CEP350: variants seen among roughly 807,000 people sequenced by gnomAD.
CEP350 encodes the protein centrosome-associated protein 350.
Under a neutral mutation model 331.8 loss-of-function variants are expected in CEP350, and 126 were observed. The observed-to-expected ratio is 0.38, with a 90% confidence interval of 0.33 to 0.44. The LOEUF is 0.44. CEP350 is among the 20% of genes least tolerant of loss of function. The pLI is 1.00. For synonymous variants in CEP350, 1,200 were observed against 1,259.5 expected, an observed-to-expected ratio of 0.95 and a Z score of 1.00; for missense variants, 3,406 against 3,634.6, an observed-to-expected ratio of 0.94 and a Z score of 1.62.
In CEP350 at chr1:180,111,230, C is replaced by G; in HGVS notation, c.*69C>G. Reference sequence around the variant, plus strand: ...GGGCCTTTCTGCCTCCTGATGTACACCCATCGCCATCATAGCAAGAGTGCT... The same window carrying G: ...GGGCCTTTCTGCCTCCTGATGTACAGCCATCGCCATCATAGCAAGAGTGCT... On this transcript the variant is annotated 3_prime_UTR_variant, in exon 38 of 38. Transcript: ENST00000367607. The G allele has an allele frequency of 6.4e-7, 1 of 1,553,144 alleles. No individual in the cohort carries two copies. Among genetic ancestry groups the G allele is most frequent in the Non-Finnish European group, 8.8e-7 (1 of 1,139,292 alleles).
intron 1 of CEP350, among the ~76,000 whole-genome samples, chr1:179,985,633 G>C (rs934205579): frequency 6.6e-6 from 1 of 152,172 alleles, no homozygotes; most frequent in South Asian, 2.1e-4. Flanking sequence ...AATCATGGCA[G>C]AAGGCACCTA....
In CEP350 at chr1:180,100,093, C is replaced by T. The variant is rs187432474; in HGVS notation, c.9189+1108C>T. On this transcript the variant is annotated intron_variant, in intron 37 of 37. Coordinates refer to ENST00000367607, the MANE Select transcript of CEP350 (RefSeq NM_014810.5). ...GAGCCACCGCGCCCAGTGTCTTATGCCTTATTTGATCCTCACGATAATTAC... is the reference window on the plus strand; with the variant it reads ...GAGCCACCGCGCCCAGTGTCTTATGTCTTATTTGATCCTCACGATAATTAC... Among the ~76,000 whole-genome samples the T allele has an allele frequency of 5.2e-3, 786 of 152,214 alleles. 5 individuals are homozygous for T. Among genetic ancestry groups the T allele is most frequent in the Middle Eastern group, 0.014 (4 of 294 alleles).
intron 11 of CEP350, 106 bp downstream of exon 11, chr1:180,016,076 A>C (rs1207251723): frequency 7.6e-7 from 1 of 1,317,354 alleles, no homozygotes; most frequent in Non-Finnish European, 1.1e-6. Context: ...GAGGGCAGAG[A>C]GGTTTATTTA....
chr1:179,955,079 T>A lies in CEP350; in HGVS notation c.-77T>A, dbSNP rs1650064361. ...CTGGGGCCGGTCGGGGCGGCGTCACTGCACCCTCCGCCAGGCTCCGCGGGA... is the reference window on the plus strand; with the variant it reads ...CTGGGGCCGGTCGGGGCGGCGTCACAGCACCCTCCGCCAGGCTCCGCGGGA... On this transcript the variant is annotated 5_prime_UTR_variant, in exon 1 of 38. Coordinates refer to ENST00000367607, the MANE Select transcript of CEP350 (RefSeq NM_014810.5). The A allele has an allele frequency of 6.9e-7, 1 of 1,453,720 alleles. No individual in the cohort carries two copies. The highest frequency in any genetic ancestry group is 1.3e-5 in the South Asian group (1 of 74,684). The allele number at this position is 1,453,720 out of a possible 1,614,324, so 90.1% of individuals were successfully genotyped here. A position where few individuals can be genotyped will look rare whatever the true frequency, so the allele number is the denominator to read the frequency against.
At chr1:180,029,284 A>G (rs564022415) in intron 14 of CEP350, among the ~76,000 whole-genome samples, 1 of 152,256 alleles carries the variant, frequency 6.6e-6, no homozygotes, top group Non-Finnish European at 1.5e-5. Context: ...TCTTGTCTAT[A>G]ATTTCTAGTT....
chr1:180,010,605 TC>T (rs1353095206), intron 8 of CEP350, among the ~76,000 whole-genome samples: 1 of 151,734 alleles, frequency 6.6e-6, no homozygotes, highest in Non-Finnish European at 1.5e-5. Flanking sequence ...TTTCTTTCTT[TC>T]TTTTTTTTTT....
At chr1:180,106,122 C>T (rs1429386687) in intron 37 of CEP350, among the ~76,000 whole-genome samples, 1 of 152,176 alleles carries the variant, frequency 6.6e-6, no homozygotes, top group Non-Finnish European at 1.5e-5. Context: ...GTAATTAGAG[C>T]ACCGTTTGTA....
At position 180,078,569 on chromosome 1, in the gene CEP350, C is replaced by T. The variant is rs550803868; in HGVS notation, c.5874C>T (p.Ser1958=). The T allele has an allele frequency of 2.5e-5, 40 of 1,613,420 alleles. No homozygotes were observed. The East Asian group carries it at 5.8e-4, about 23-fold the overall frequency. ...LGSPAVEYVP[S]ESIGQEQPGS... is the part of the protein sequence containing the mutation. ...GCCCTGCTGTTGAATATGTACCATC[C>T]GAGTCTATAGGACAGGAGCAGCCAG... The change falls in exon 29 of 38, where the codon TCC becomes TCT. Residue 1958 remains serine, a synonymous_variant. Transcript: ENST00000367607.
At chr1:179,988,233 A>G (rs999844501) in intron 3 of CEP350, among the ~76,000 whole-genome samples, 1 of 151,564 alleles carries the variant, frequency 6.6e-6, no homozygotes, top group African/African-American at 2.4e-5. Flanking sequence ...GGAGCTCAAG[A>G]CTGCAGTGAG....
At chr1:179,965,678 T>C (rs1183252653) in intron 1 of CEP350, among the ~76,000 whole-genome samples, 1 of 141,746 alleles carries the variant, frequency 7.1e-6, no homozygotes, top group Non-Finnish European at 1.5e-5. Context: ...TGGAGTGCAG[T>C]TGTGCAATCT....
At chr1:180,045,954 T>C (rs1055588992) in intron 21 of CEP350, among the ~76,000 whole-genome samples, 14 of 152,244 alleles carry the variant, frequency 9.2e-5, no homozygotes, top group African/African-American at 3.4e-4. Flanking sequence ...AACCATGCTC[T>C]CTGTCTTCTG....
chr1:179,991,667 A>ATATGTGTGTGTGTGTG (rs1553252542), intron 4 of CEP350, among the ~76,000 whole-genome samples: 1 of 90,194 alleles, frequency 1.1e-5, no homozygotes, highest in African/African-American at 4.3e-5. Flanking sequence ...ATATATATAT[A>ATATGTGTGTGTGTGTG]TGTGTGTGTG....
At chr1:180,084,228 A>G in intron 31 of CEP350, 50 bp downstream of exon 31, 2 of 1,441,902 alleles carry the variant, frequency 1.4e-6, no homozygotes, top group South Asian at 1.5e-5. Flanking sequence ...TGTGTATGTG[A>G]CGTCTAAAAT....
intron 8 of CEP350, among the ~76,000 whole-genome samples, chr1:180,010,293 TA>T (rs904952033): frequency 2.6e-4 from 39 of 152,120 alleles, no homozygotes; most frequent in African/African-American, 8.7e-4. Flanking sequence ...CATTTTCATC[TA>T]TTTTTTTGTT....
chr1:180,041,297 C>T, intron 18 of CEP350, 49 bp downstream of exon 18: 1 of 1,311,720 alleles, frequency 7.6e-7, no homozygotes, highest in East Asian at 2.5e-5. Context: ...AAATTTGTAT[C>T]TTAGAAATTA....
intron 25 of CEP350, among the ~76,000 whole-genome samples, chr1:180,060,546 T>C (rs1409651162): frequency 6.6e-6 from 1 of 152,162 alleles, no homozygotes; most frequent in Admixed American, 6.5e-5. Flanking sequence ...TCCTAGCTAC[T>C]TGGGAGGCTA....
At chr1:180,109,893 C>T (rs1661383193) in intron 37 of CEP350, among the ~76,000 whole-genome samples, 1 of 152,148 alleles carries the variant, frequency 6.6e-6, no homozygotes, top group African/African-American at 2.4e-5. Context: ...CCTAGGCCTC[C>T]TGAAGTGCTG....
intron 25 of CEP350, among the ~76,000 whole-genome samples, chr1:180,055,951 A>T (rs550950849): frequency 5.3e-5 from 8 of 152,252 alleles, no homozygotes; most frequent in Non-Finnish European, 1.0e-4. Context: ...AACTTTCTAT[A>T]ATGTTACACA....
intron 33 of CEP350, among the ~76,000 whole-genome samples, chr1:180,091,606 A>G (rs1660201765): frequency 6.6e-6 from 1 of 152,154 alleles, no homozygotes; most frequent in African/African-American, 2.4e-5. Context: ...TGAAGTAGGC[A>G]GGTCACTTGA....
Sources: gnomAD v4.1 joint callset for allele counts (sites outside exome capture counted in the v4.1 genomes callset) on GRCh38, gnomAD v4.1.1 for gene constraint, MANE v1.5 for transcripts, NCBI Gene and HGNC (gene_info 2026-07-23, HGNC 2026-07-21) for gene names.